Variants in LATS2 observed in about 807,000 individuals in gnomAD.
LATS2 encodes the protein large tumor suppressor kinase 2, also known as serine/threonine-protein kinase LATS2.
In LATS2, 24 loss-of-function variants were observed where a neutral mutation model predicts 76.0. The ratio of observed to expected loss-of-function variants is 0.32; its 90% confidence interval spans 0.23 to 0.44. LATS2 has a LOEUF of 0.44. LATS2 is among the 20% of genes least tolerant of loss of function. The pLI, the probability that LATS2 is intolerant of heterozygous loss-of-function variation, is 1.00. For synonymous variants in LATS2, 692 were observed against 635.4 expected (o/e 1.09, Z -1.34); for missense variants, 1,286 against 1,481.2 (o/e 0.87, Z 2.16).
intron 2 of LATS2, among the ~76,000 whole-genome samples, chr13:21,025,763 C>T (rs481485): frequency 0.26 from 39,000 of 151,960 alleles, 5,390 homozygotes; most frequent in African/African-American, 0.35. Flanking sequence ...GTCCTCTGCA[C>T]GGAGGAGGAA....
At chr13:21,033,055 G>A (rs555729930) in intron 2 of LATS2, among the ~76,000 whole-genome samples, 2 of 152,150 alleles carry the variant, frequency 1.3e-5, no homozygotes, top group African/African-American at 4.8e-5. Context: ...GTCCACCCGG[G>A]GAATTACTGG....
rs1193538776 is a variant in LATS2, at chr13:21,002,956, G to T, written c.343-11552C>A. Among the ~76,000 whole-genome samples the T allele has an allele frequency of 5.3e-5, 8 of 152,046 alleles. No individual in the cohort carries two copies. The East Asian group carries it at 1.5e-3, about 29-fold the overall frequency. ...GCCTCAAGCAAACCTCCCCACCTCA[G>T]CTTCCCAAAGTGTTGGGATTATAGG... On this transcript the variant is annotated intron_variant, in intron 2 of 7. Transcript: ENST00000382592.
At chr13:21,001,396 T>C (rs1871035149) in intron 2 of LATS2, among the ~76,000 whole-genome samples, 1 of 152,206 alleles carries the variant, frequency 6.6e-6, no homozygotes. Context: ...CAGCCCCCAG[T>C]GTGAAGCGGA....
At chr13:21,051,561 T>C (rs1595258779) in intron 1 of LATS2, among the ~76,000 whole-genome samples, 1 of 152,102 alleles carries the variant, frequency 6.6e-6, no homozygotes, top group South Asian at 2.1e-4. Flanking sequence ...GGGCCAGTGG[T>C]GGTGCCATTC....
rs749391853 is a variant in LATS2, at chr13:20,983,456, A to G, written c.2250T>C (p.Gly750=). The G allele has an allele frequency of 9.9e-6, 16 of 1,613,784 alleles. No homozygotes were observed. In the South Asian group the frequency reaches 1.8e-4, roughly 18 times the overall value. ...SLYFVMDYIP[G]GDMMSLLIRM... is the part of the protein sequence containing the mutation. ...GGATCAGCAGGCTCATCATGTCCCCACCAGGGATGTAGTCCATCACAAAGT... is the reference window on the plus strand; with the variant it reads ...GGATCAGCAGGCTCATCATGTCCCCGCCAGGGATGTAGTCCATCACAAAGT... The change falls in exon 5 of 8, where the codon GGT becomes GGC. Residue 750 remains glycine (G), a synonymous_variant. Transcript: ENST00000382592.
intron 2 of LATS2, among the ~76,000 whole-genome samples, chr13:21,007,545 GTATATA>G (rs71090549): frequency 0.065 from 233 of 3,610 alleles, 19 homozygotes; most frequent in Admixed American, 0.09. Context: ...TATATATATA[GTATATA>G]TATATATATA....
At chr13:21,023,405 A>G (rs1482260920) in intron 2 of LATS2, among the ~76,000 whole-genome samples, 1 of 151,864 alleles carries the variant, frequency 6.6e-6, no homozygotes, top group East Asian at 1.9e-4. Context: ...TAAAAGTTGG[A>G]AAGACATTTT....
In LATS2 at chr13:20,975,516, C is replaced by T. The variant is rs912400365; in HGVS notation, c.2773-152G>A. 5 of 803,676 alleles carry T rather than the reference C, an allele frequency of 6.2e-6. No homozygotes were observed. The African/African-American group carries it at 7.0e-5, about 11-fold the overall frequency. The allele number at this position is 803,676 out of a possible 1,614,324, so 49.8% of individuals were successfully genotyped here. A position where few individuals can be genotyped will look rare whatever the true frequency, so the allele number is the denominator to read the frequency against. On this transcript the variant is annotated intron_variant, in intron 7 of 7. Transcript: ENST00000382592. ...AAGCAGCAGTTGTTGATCTCAGCAGCCACAAAAAGTCAGTGTCATTTCAGT... is the reference window on the plus strand; with the variant it reads ...AAGCAGCAGTTGTTGATCTCAGCAGTCACAAAAAGTCAGTGTCATTTCAGT...
At chr13:20,997,058 T>C (rs903617741) in intron 2 of LATS2, among the ~76,000 whole-genome samples, 3 of 152,130 alleles carry the variant, frequency 2.0e-5, no homozygotes, top group African/African-American at 4.8e-5. Context: ...CTGGACCAGA[T>C]AGAAGGAATT....
At chr13:20,975,832 T>C (rs1464312591) in intron 7 of LATS2, among the ~76,000 whole-genome samples, 8 of 152,152 alleles carry the variant, frequency 5.3e-5, no homozygotes, top group Admixed American at 4.6e-4. Context: ...TACAGGCGCC[T>C]GCCACCACAC....
chr13:20,979,847 G>A (rs773728066), intron 6 of LATS2, 50 bp from the exon 7 acceptor site: 11 of 1,029,014 alleles, frequency 1.1e-5, no homozygotes, highest in African/African-American at 4.7e-5. Flanking sequence ...ATTCTCCTCC[G>A]AGGTGAATTT....
chr13:21,045,699 C>A lies in LATS2; in HGVS notation c.328G>T (p.Ala110Ser). The A allele has an allele frequency of 6.2e-7, 1 of 1,613,618 alleles. No individual in the cohort carries two copies. Among genetic ancestry groups the A allele is most frequent in the Non-Finnish European group, 8.5e-7 (1 of 1,179,700 alleles). Residue 110 changes from alanine (A) to serine (S), a missense_variant, in exon 2 of 8, where the codon GCA becomes TCA. Transcript: ENST00000382592. ...TCTGTACCCACCTGGTCGCATCCTG[C>A]GTTCACCAGTTCCTGCAGCATTTGC... ...NRQMLQELVN[A>S]GCDQEMAGRA...
At chr13:20,993,035 CAA>C (rs551359225) in intron 2 of LATS2, among the ~76,000 whole-genome samples, 2,653 of 88,818 alleles carry the variant, frequency 0.03, 70 homozygotes, top group African/African-American at 0.13. Context: ...ACTCCATCTC[CAA>C]AAAAAAAAAA....
At chr13:20,980,528 C>A (rs944612195) in intron 6 of LATS2, among the ~76,000 whole-genome samples, 1 of 152,196 alleles carries the variant, frequency 6.6e-6, no homozygotes, top group East Asian at 1.9e-4. Flanking sequence ...GCCAGGGTAG[C>A]CCCCTCAGGC....
At chr13:21,022,196 G>T (rs1488277573) in intron 2 of LATS2, among the ~76,000 whole-genome samples, 1 of 152,176 alleles carries the variant, frequency 6.6e-6, no homozygotes, top group African/African-American at 2.4e-5. Flanking sequence ...GTACATGTGT[G>T]CAACTACGTA....
intron 2 of LATS2, chr13:21,023,153 C>CGGGCTCCGA (rs1555226407): frequency 1.2e-5 from 1 of 85,192 alleles, no homozygotes; most frequent in Non-Finnish European, 2.6e-5. Context: ...TCGAGGGCTC[C>CGGGCTCCGA]GGGCTCCGAG....
chr13:21,024,093 CAAA>C lies in LATS2; in HGVS notation c.342+21589_342+21591del, dbSNP rs748881098. Among the ~76,000 whole-genome samples, 228 of 79,220 alleles carry C rather than the reference CAAA, an allele frequency of 2.9e-3. 1 individual carries two copies. Among genetic ancestry groups the C allele is most frequent in the African/African-American group, 8.6e-3 (194 of 22,578 alleles). 52.0% of individuals were successfully genotyped at this position (79,220 alleles called of 152,430 possible). On this transcript the variant is annotated intron_variant, in intron 2 of 7. Coordinates refer to ENST00000382592, the MANE Select transcript of LATS2 (RefSeq NM_014572.3). ...AGAAAGGTTAAAGTGTCTCGCTGTGCAAAAAAAAAAAAAAAAAAAAAAGAAAAA... is the reference window on the plus strand; with the variant it reads ...AGAAAGGTTAAAGTGTCTCGCTGTGCAAAAAAAAAAAAAAAAAAAGAAAAA...
At chr13:20,980,258 G>A (rs2138268350) in intron 6 of LATS2, among the ~76,000 whole-genome samples, 1 of 152,290 alleles carries the variant, frequency 6.6e-6, no homozygotes, top group Admixed American at 6.5e-5. Flanking sequence ...AAACCCACCG[G>A]ACAATTCACT....
rs532387548 is a variant in LATS2, at chr13:20,983,917, G to A, written c.1900-111C>T. The A allele has an allele frequency of 3.3e-5, 27 of 808,882 alleles. No individual in the cohort carries two copies. The South Asian group carries it at 4.6e-4, about 14-fold the overall frequency. 50.1% of individuals were successfully genotyped at this position (808,882 alleles called of 1,614,324 possible). ...TGAGAGGAACCTAGCTCATTTTACA[G>A]AAAGGAGAACAGAGAAGAATGGGTC... On this transcript the variant is annotated intron_variant, in intron 4 of 7. Transcript: ENST00000382592.
Sources: gnomAD v4.1 joint callset for allele counts (sites outside exome capture counted in the v4.1 genomes callset) on GRCh38, gnomAD v4.1.1 for gene constraint, MANE v1.5 for transcripts, NCBI Gene and HGNC (gene_info 2026-07-23, HGNC 2026-07-21) for gene names.